The following WASF3 variants were observed in gnomAD, a reference collection of about 807,000 sequenced individuals.
WASF3 encodes the protein WASP family member 3.
A neutral mutation model predicts 46.6 loss-of-function variants in WASF3; 11 were observed. The observed-to-expected ratio is 0.24, with a 90% CI of 0.15 to 0.39. The LOEUF (loss-of-function observed/expected upper bound fraction) is 0.39. WASF3 is among the 10% of genes least tolerant of loss of function. WASF3 has a pLI of 1.00. For missense variants in WASF3, 576 were observed against 669.8 expected, an observed-to-expected ratio of 0.86 and a Z score of 1.55; for synonymous variants, 242 against 259.7, an observed-to-expected ratio of 0.93 and a Z score of 0.65.
At chr13:26,683,946 T>G (rs1161377400) in intron 9 of WASF3, among the ~76,000 whole-genome samples, 2 of 152,286 alleles carry the variant, frequency 1.3e-5, no homozygotes, top group East Asian at 1.9e-4. Flanking sequence ...TCCAAGAGCT[T>G]CTCGCCTGTG....
the WASF3 span, among the ~76,000 whole-genome samples, chr13:26,545,222 CA>C: frequency 6.6e-6 from 1 of 152,204 alleles, no homozygotes; most frequent in Non-Finnish European, 1.5e-5. Context: ...ACTGTAGTAG[CA>C]AAATTGGAGT....
chr13:26,646,993 A>G (rs1882169780), intron 3 of WASF3, among the ~76,000 whole-genome samples: 1 of 152,216 alleles, frequency 6.6e-6, no homozygotes, highest in Non-Finnish European at 1.5e-5. Flanking sequence ...ACAACTTTAC[A>G]TAACTTTTAG....
At chr13:26,683,123 G>A in intron 9 of WASF3, 149 bp downstream of exon 9, 2 of 1,153,860 alleles carry the variant, frequency 1.7e-6, no homozygotes, top group Non-Finnish European at 2.4e-6. Context: ...TTTTTGTTTT[G>A]TTTTGAATAG....
intron 2 of WASF3, among the ~76,000 whole-genome samples, chr13:26,637,868 A>G (rs56135344): frequency 0.062 from 9,397 of 152,266 alleles, 783 homozygotes; most frequent in African/African-American, 0.19. Flanking sequence ...CTGCTTTCTC[A>G]GATCATTCTC....
intron 1 of WASF3, among the ~76,000 whole-genome samples, chr13:26,591,754 G>A (rs1049134268): frequency 6.6e-6 from 1 of 152,114 alleles, no homozygotes; most frequent in African/African-American, 2.4e-5. Flanking sequence ...GGATATATGT[G>A]GCATTTAAAA....
chr13:26,545,574 T>C, the WASF3 span, among the ~76,000 whole-genome samples: 2 of 152,214 alleles, frequency 1.3e-5, no homozygotes, highest in Non-Finnish European at 2.9e-5. Context: ...GTCTAAATTG[T>C]ATTTATCCTA....
chr13:26,549,722 T>C, the WASF3 span, among the ~76,000 whole-genome samples: 1 of 152,222 alleles, frequency 6.6e-6, no homozygotes, highest in East Asian at 1.9e-4. Flanking sequence ...TAAAAACACC[T>C]AAATCTGTTA....
At chr13:26,551,031 G>A in the WASF3 span, among the ~76,000 whole-genome samples, 468 of 152,312 alleles carry the variant, frequency 3.1e-3, 1 homozygote, top group Non-Finnish European at 5.5e-3. Context: ...TGATTGGATC[G>A]TGGGGGCAGA....
At chr13:26,674,032 G>A (rs1882993754) in intron 6 of WASF3, among the ~76,000 whole-genome samples, 1 of 152,160 alleles carries the variant, frequency 6.6e-6, no homozygotes, top group Non-Finnish European at 1.5e-5. Context: ...AGGTAGCAGT[G>A]TCTAAGATCA....
intron 9 of WASF3, 125 bp from the exon 10 acceptor site, chr13:26,685,563 A>G (rs1883376640): frequency 4.1e-6 from 5 of 1,216,920 alleles, no homozygotes; most frequent in Non-Finnish European, 5.6e-6. Context: ...TCTCCCCTCA[A>G]ATTTCTAAAA....
chr13:26,596,132 C>G (rs1401217093), intron 1 of WASF3, among the ~76,000 whole-genome samples: 1 of 47,636 alleles, frequency 2.1e-5, no homozygotes, highest in African/African-American at 8.2e-5. Context: ...TTTTTTTTTG[C>G]ATCCTCACCA....
the WASF3 span, among the ~76,000 whole-genome samples, chr13:26,542,360 T>C: frequency 6.6e-6 from 1 of 152,350 alleles, no homozygotes; most frequent in African/African-American, 2.4e-5. Flanking sequence ...GGAACAGTGA[T>C]GGCATCTCAT....
At chr13:26,578,960 TTAAGC>T (rs1245176523) in intron 1 of WASF3, among the ~76,000 whole-genome samples, 1 of 150,762 alleles carries the variant, frequency 6.6e-6, no homozygotes, top group African/African-American at 2.4e-5. Context: ...TTTTTGGAGA[TTAAGC>T]TAACCTTATA....
At chr13:26,664,468 C>T (rs547956634) in intron 3 of WASF3, among the ~76,000 whole-genome samples, 5 of 152,254 alleles carry the variant, frequency 3.3e-5, no homozygotes, top group Middle Eastern at 3.4e-3. Flanking sequence ...GGAAATGAGC[C>T]ACGCAGAAAA....
intron 2 of WASF3, among the ~76,000 whole-genome samples, chr13:26,621,077 A>G (rs1294521853): frequency 6.6e-6 from 1 of 152,158 alleles, no homozygotes; most frequent in African/African-American, 2.4e-5. Flanking sequence ...GCTGAGCAGG[A>G]TGCTGGGGGG....
intron 3 of WASF3, among the ~76,000 whole-genome samples, chr13:26,650,552 T>C (rs1285610716): frequency 6.6e-6 from 1 of 152,080 alleles, no homozygotes; most frequent in East Asian, 1.9e-4. Flanking sequence ...AGGGATCTAA[T>C]GGAAAAGTAG....
intron 2 of WASF3, chr13:26,641,948 G>A (rs1380014773): frequency 6.2e-6 from 1 of 161,506 alleles, no homozygotes; most frequent in African/African-American, 2.4e-5. Flanking sequence ...TGTGGCTTGT[G>A]TCTCCTCTCT....
At chr13:26,630,849 A>T (rs943262360) in intron 2 of WASF3, among the ~76,000 whole-genome samples, 3 of 152,294 alleles carry the variant, frequency 2.0e-5, no homozygotes, top group Non-Finnish European at 4.4e-5. Context: ...AATGATTGCC[A>T]TTCTAACTGG....
At chr13:26,645,267 C>T (rs1276242975) in intron 3 of WASF3, among the ~76,000 whole-genome samples, 3 of 152,066 alleles carry the variant, frequency 2.0e-5, no homozygotes, top group African/African-American at 7.2e-5. Flanking sequence ...CCTAGTGATG[C>T]CAAAGCAATG....
Sources: gnomAD v4.1 joint callset for allele counts (sites outside exome capture counted in the v4.1 genomes callset) on GRCh38, gnomAD v4.1.1 for gene constraint, MANE v1.5 for transcripts, NCBI Gene and HGNC (gene_info 2026-07-23, HGNC 2026-07-21) for gene names.